Variants in FOXJ3 observed in about 807,000 individuals in gnomAD.
FOXJ3 encodes the protein forkhead box protein J3.
FOXJ3 carries 22 observed loss-of-function variants against 76.1 expected under a neutral mutation model. The observed-to-expected ratio is 0.29, with a 90% CI of 0.21 to 0.41. The LOEUF is 0.41. FOXJ3 is among the 10% of genes least tolerant of loss of function. The pLI is 1.00. For synonymous variants in FOXJ3, 269 were observed against 261.2 expected (o/e 1.03, Z -0.29); for missense variants, 613 against 762.1 (o/e 0.80, Z 2.30).
intron 1 of FOXJ3, among the ~76,000 whole-genome samples, chr1:42,312,908 T>C (rs1179654803): frequency 6.6e-6 from 1 of 152,188 alleles, no homozygotes; most frequent in African/African-American, 2.4e-5. Flanking sequence ...CCAAGAAAAC[T>C]GCCAGGAAAA....
intron 4 of FOXJ3, among the ~76,000 whole-genome samples, chr1:42,251,020 A>ATTT (rs1649996176): frequency 6.6e-6 from 1 of 152,048 alleles, no homozygotes; most frequent in South Asian, 2.1e-4. Context: ...GGCCAAAAGA[A>ATTT]TTTTTAATAA....
At chr1:42,228,350 T>C (rs1647755204) in intron 4 of FOXJ3, among the ~76,000 whole-genome samples, 2 of 152,262 alleles carry the variant, frequency 1.3e-5, no homozygotes, top group Middle Eastern at 3.4e-3. Flanking sequence ...CAAATCTACA[T>C]GGTTAGTGAA....
chr1:42,334,148 G>C (rs1656322036), intron 1 of FOXJ3: 1 of 980,390 alleles, frequency 1.0e-6, no homozygotes, highest in Non-Finnish European at 1.2e-6. Flanking sequence ...GAATGCATCG[G>C]TAGCAAGCGC....
intron 5 of FOXJ3, among the ~76,000 whole-genome samples, chr1:42,210,006 G>A (rs969583972): frequency 1.3e-5 from 2 of 152,160 alleles, no homozygotes; most frequent in Non-Finnish European, 2.9e-5. Context: ...TTATAGCCTG[G>A]GGCAGTTTTG....
intron 5 of FOXJ3, among the ~76,000 whole-genome samples, chr1:42,219,870 G>C (rs1006901612): frequency 1.3e-5 from 2 of 152,186 alleles, no homozygotes; most frequent in African/African-American, 4.8e-5. Flanking sequence ...AGTGAGCCAT[G>C]GTCACAACAC....
intron 4 of FOXJ3, among the ~76,000 whole-genome samples, chr1:42,229,400 C>A (rs1647872831): frequency 6.6e-6 from 1 of 152,180 alleles, no homozygotes; most frequent in African/African-American, 2.4e-5. Context: ...CAATTAACAT[C>A]TGTCGAAATG....
intron 11 of FOXJ3, among the ~76,000 whole-genome samples, chr1:42,187,130 G>A (rs1208743845): frequency 6.6e-6 from 1 of 151,414 alleles, no homozygotes; most frequent in Admixed American, 6.6e-5. Flanking sequence ...TTGCAGGCAT[G>A]AGCCACCATG....
intron 4 of FOXJ3, among the ~76,000 whole-genome samples, chr1:42,228,699 C>T (rs1231688749): frequency 1.3e-5 from 2 of 151,734 alleles, no homozygotes; most frequent in African/African-American, 4.8e-5. Context: ...GAACCAGGAA[C>T]AAAAACAAAC....
At chr1:42,334,419 AG>A (rs1258197192) in intron 1 of FOXJ3, among the ~76,000 whole-genome samples, 1 of 145,320 alleles carries the variant, frequency 6.9e-6, no homozygotes, top group Non-Finnish European at 1.5e-5. Flanking sequence ...TGGAGCTGGG[AG>A]GGGGGGCGGG....
chr1:42,230,897 C>G (rs1377898285), intron 4 of FOXJ3, among the ~76,000 whole-genome samples: 1 of 152,126 alleles, frequency 6.6e-6, no homozygotes, highest in Non-Finnish European at 1.5e-5. Context: ...TTTTAACACC[C>G]ATGTTCATAG....
intron 11 of FOXJ3, among the ~76,000 whole-genome samples, chr1:42,187,964 A>C (rs1420603286): frequency 8.5e-5 from 13 of 152,244 alleles, no homozygotes; most frequent in Non-Finnish European, 1.6e-4. Flanking sequence ...CAGACTGATA[A>C]GCTTGACTTG....
intron 5 of FOXJ3, among the ~76,000 whole-genome samples, chr1:42,214,097 A>G (rs1647019153): frequency 6.6e-6 from 1 of 152,198 alleles, no homozygotes; most frequent in South Asian, 2.1e-4. Context: ...GGTGACTAAT[A>G]AGAAAGGTGA....
intron 5 of FOXJ3, among the ~76,000 whole-genome samples, chr1:42,207,130 T>C (rs1034327833): frequency 6.6e-6 from 1 of 152,136 alleles, no homozygotes; most frequent in African/African-American, 2.4e-5. Context: ...GCCCAGCCAG[T>C]TCTTATTTCT....
rs1168120638 is a variant in FOXJ3, at chr1:42,251,706, A to ATTTTTT, written c.444+13403_444+13408dup. 4.2e-4 allele frequency among the ~76,000 whole-genome samples: 37 copies of ATTTTTT among 87,572 alleles called. 2 individuals are homozygous for ATTTTTT. Among genetic ancestry groups the ATTTTTT allele is most frequent in the African/African-American group, 1.6e-3 (32 of 20,418 alleles). 57.5% of individuals were successfully genotyped at this position (87,572 alleles called of 152,430 possible). On this transcript the variant is annotated intron_variant, in intron 4 of 12. Transcript: ENST00000361346. ...GTGCTGCTGGATTCGGTTTGCCAGT[A>ATTTTTT]TTTTTTTTTTTTTTTTTTTTTTTTT... is the stretch of plus-strand genomic sequence containing the variant.
chr1:42,218,915 C>T (rs1195383061), intron 5 of FOXJ3, among the ~76,000 whole-genome samples: 1 of 152,192 alleles, frequency 6.6e-6, no homozygotes, highest in Non-Finnish European at 1.5e-5. Flanking sequence ...CCTCAGAGCC[C>T]TTGCACTTGC....
chr1:42,335,259 C>G (rs1354583368), upstream of FOXJ3: 1 of 152,180 alleles, frequency 6.6e-6, no homozygotes, highest in East Asian at 1.9e-4. Context: ...CCCCCGCCCG[C>G]CCTCGCCGCC....
At chr1:42,194,437 C>A (rs1318550590) in intron 8 of FOXJ3, among the ~76,000 whole-genome samples, 3 of 152,206 alleles carry the variant, frequency 2.0e-5, no homozygotes, top group African/African-American at 4.8e-5. Context: ...GATGTATTCA[C>A]TTCTAAGTGC....
intron 1 of FOXJ3, among the ~76,000 whole-genome samples, chr1:42,331,246 G>A (rs1356271625): frequency 6.6e-6 from 1 of 152,112 alleles, no homozygotes; most frequent in East Asian, 1.9e-4. Context: ...GCGGGGCATG[G>A]TGGTGCACGC....
intron 1 of FOXJ3, among the ~76,000 whole-genome samples, chr1:42,320,891 T>G (rs1655393583): frequency 1.3e-5 from 2 of 152,208 alleles, no homozygotes; most frequent in South Asian, 4.1e-4. Flanking sequence ...GGATCCTGTA[T>G]CTTTATCTTG....
Sources: gnomAD v4.1 joint callset for allele counts (sites outside exome capture counted in the v4.1 genomes callset) on GRCh38, gnomAD v4.1.1 for gene constraint, MANE v1.5 for transcripts, NCBI Gene and HGNC (gene_info 2026-07-23, HGNC 2026-07-21) for gene names.